The following ZBTB40 variants were observed in gnomAD, a reference collection of about 807,000 sequenced individuals.
ZBTB40 encodes zinc finger and BTB domain containing 40.
In ZBTB40, 60 loss-of-function variants were observed where a neutral mutation model predicts 117.5. The observed-to-expected ratio is 0.51, with a 90% CI of 0.41 to 0.63. ZBTB40 has a LOEUF of 0.63. Among genes scored for constraint, ZBTB40 ranks in the 30% least tolerant of loss-of-function variants. The pLI is 0.00. For missense variants in ZBTB40, 1,287 were observed against 1,498.5 expected, an observed-to-expected ratio of 0.86 and a Z score of 2.33; for synonymous variants, 525 against 577.1, an observed-to-expected ratio of 0.91 and a Z score of 1.29.
intron 1 of ZBTB40, among the ~76,000 whole-genome samples, chr1:22,465,719 C>G (rs1434530061): frequency 6.6e-6 from 1 of 151,408 alleles, no homozygotes; most frequent in Admixed American, 6.7e-5. Context: ...TTCCCAGACC[C>G]CCAAGAGTGC....
At chr1:22,443,262 G>T (rs1640753693) in intron 1 of ZBTB40, among the ~76,000 whole-genome samples, 1 of 152,112 alleles carries the variant, frequency 6.6e-6, no homozygotes, top group Non-Finnish European at 1.5e-5. Flanking sequence ...GTCTCAAAAG[G>T]TCCTCAGAAC....
Position 22,490,659 on chromosome 1 carries a change from T to C in ZBTB40, c.697+14T>C. On this transcript the variant is annotated intron_variant, in intron 2 of 17. Coordinates refer to ENST00000375647, the MANE Select transcript of ZBTB40 (RefSeq NM_014870.4). ...GCACAGAACCAGGTAACAGTCATTG[T>C]TTTATATTCCATCCTTCTGTTTTCA... The C allele has an allele frequency of 6.2e-7, 1 of 1,610,756 alleles. No individual in the cohort carries two copies. Among genetic ancestry groups the C allele is most frequent in the Non-Finnish European group, 8.5e-7 (1 of 1,178,604 alleles).
intron 3 of ZBTB40, among the ~76,000 whole-genome samples, chr1:22,493,793 T>TG (rs1491091228): frequency 1.5e-5 from 2 of 137,258 alleles, no homozygotes; most frequent in Non-Finnish European, 3.1e-5. Context: ...GATTCACCCA[T>TG]GTTTTTTTTT....
intron 17 of ZBTB40, among the ~76,000 whole-genome samples, chr1:22,525,261 T>TGG (rs1639645277): frequency 6.6e-6 from 1 of 152,122 alleles, no homozygotes; most frequent in South Asian, 2.1e-4. Context: ...GGGGAAAAGG[T>TGG]GGGGCTGGGG....
intron 14 of ZBTB40, 42 bp from the exon 15 acceptor site, chr1:22,521,454 C>A (rs919801626): frequency 1.2e-6 from 2 of 1,614,022 alleles, no homozygotes; most frequent in Admixed American, 1.7e-5. Flanking sequence ...CTCCAGCTTG[C>A]TGGAACTTTC....
At chr1:22,476,905 A>G (rs1641561067) in intron 1 of ZBTB40, among the ~76,000 whole-genome samples, 1 of 152,194 alleles carries the variant, frequency 6.6e-6, no homozygotes, top group Non-Finnish European at 1.5e-5. Context: ...AGATTCCAAC[A>G]TGCAGTGTTC....
At chr1:22,458,681 C>A (rs1641060564) in intron 1 of ZBTB40, among the ~76,000 whole-genome samples, 1 of 152,200 alleles carries the variant, frequency 6.6e-6, no homozygotes, top group Non-Finnish European at 1.5e-5. Flanking sequence ...TCACCAACTT[C>A]ATAAACAGGC....
At chr1:22,509,605 T>C (rs209728) in intron 9 of ZBTB40, among the ~76,000 whole-genome samples, 151,437 of 152,388 alleles carry the variant, frequency 0.99, 75,258 homozygotes, top group East Asian at 1. Context: ...ATCTCAGCTT[T>C]GCCAGAGTGC....
In ZBTB40 at chr1:22,526,321, C is replaced by T; in HGVS notation, c.3645C>T (p.Ser1215=). The T allele has an allele frequency of 6.2e-7, 1 of 1,614,206 alleles. No individual in the cohort carries two copies. Residue 1215 remains serine, a synonymous_variant, in exon 18 of 18, where the codon AGC becomes AGT. Transcript: ENST00000375647. Reference sequence around the variant, plus strand: ...CAGATTCTCAGGCATCTCAGGCCAGCTCTGAGCTCGTGGCGGTGACTGTGG... The same window carrying T: ...CAGATTCTCAGGCATCTCAGGCCAGTTCTGAGCTCGTGGCGGTGACTGTGG... ...TLPDSQASQA[S]SELVAVTVED...
At position 22,511,769 on chromosome 1, in the gene ZBTB40, C is replaced by A. The variant is rs1639243109; in HGVS notation, c.2096C>A (p.Ala699Asp). The A allele has an allele frequency of 1.2e-6, 2 of 1,609,530 alleles. No individual in the cohort carries two copies. Among genetic ancestry groups the A allele is most frequent in the African/African-American group, 2.7e-5 (2 of 74,392 alleles). ...AACAACAAAGAAGATGAAAAGGCAG[C>A]CAAAGAAGACAGCCAGCCTGGGGAA... ...EANNKEDEKA[A>D]KEDSQPGEQN... Residue 699 changes from alanine (A) to aspartate (D), a missense_variant, in exon 11 of 18, where the codon GCC becomes GAC. By Grantham distance (126) the Ala-to-Asp change is moderately radical. Around this residue, in one of 2 missense-constraint regions of ZBTB40, gnomAD observed 870 missense variants for 934.4 expected, o/e 0.93. Coordinates refer to ENST00000375647, the MANE Select transcript of ZBTB40 (RefSeq NM_014870.4).
At chr1:22,494,349 T>C (rs1376839494) in intron 3 of ZBTB40, among the ~76,000 whole-genome samples, 2 of 152,220 alleles carry the variant, frequency 1.3e-5, no homozygotes, top group African/African-American at 4.8e-5. Context: ...GAACAGTGTC[T>C]AGAGGAAGTA....
chr1:22,491,563 G>C, intron 3 of ZBTB40, 30 bp downstream of exon 3: 3 of 1,612,616 alleles, frequency 1.9e-6, no homozygotes. Context: ...GTACTTGTTT[G>C]CTAGTTTAGT....
chr1:22,487,378 C>T (rs1379926900), intron 1 of ZBTB40, among the ~76,000 whole-genome samples: 5 of 152,122 alleles, frequency 3.3e-5, no homozygotes, highest in Non-Finnish European at 7.4e-5. Flanking sequence ...CTTTTCTTAG[C>T]GTACTTTTTT....
At position 22,517,370 on chromosome 1, in the gene ZBTB40, G is replaced by T; in HGVS notation, c.2739G>T (p.Arg913Ser). ...CTATTGAGCTGTCCCGCCACGTGAG[G>T]ACCCACACCGGGGACAAGCCCTATG... ...AQSIELSRHV[R>S]THTGDKPYVC... The change falls in exon 13 of 18, where the codon AGG (arginine) becomes AGT (serine). Residue 913 changes from arginine to serine, a missense_variant. By Grantham distance (110) the Arg-to-Ser change is moderately radical. Around this residue, in one of 2 missense-constraint regions of ZBTB40, gnomAD observed 417 missense variants for 564.1 expected, o/e 0.74. Transcript: ENST00000375647. 1 of 1,614,204 alleles carries T rather than the reference G, an allele frequency of 6.2e-7. No individual in the cohort carries two copies. Among genetic ancestry groups the T allele is most frequent in the Non-Finnish European group, 8.5e-7 (1 of 1,180,040 alleles).
At chr1:22,444,218 G>T (rs145676128) in intron 1 of ZBTB40, among the ~76,000 whole-genome samples, 1 of 152,104 alleles carries the variant, frequency 6.6e-6, no homozygotes, top group African/African-American at 2.4e-5. Context: ...TTCGAGACCA[G>T]CCTGGCAAAC....
intron 7 of ZBTB40, among the ~76,000 whole-genome samples, 169 bp from the exon 8 acceptor site, chr1:22,508,361 A>C (rs540601417): frequency 3.9e-5 from 6 of 152,298 alleles, no homozygotes; most frequent in African/African-American, 1.4e-4. Context: ...AAAAGGAGAA[A>C]TGAAGAACTT....
At chr1:22,509,341 C>CTT in intron 9 of ZBTB40, 108 bp downstream of exon 9, 2 of 1,481,922 alleles carry the variant, frequency 1.3e-6, no homozygotes, top group Non-Finnish European at 1.9e-6. Flanking sequence ...GTTTTTCCTT[C>CTT]TTTTTTTTTC....
intron 1 of ZBTB40, among the ~76,000 whole-genome samples, chr1:22,473,300 C>T (rs560932848): frequency 6.6e-6 from 1 of 152,200 alleles, no homozygotes; most frequent in East Asian, 1.9e-4. Flanking sequence ...AGAAACTGTT[C>T]TAGTGGATAA....
At chr1:22,522,310 A>C (rs1639548005) in intron 15 of ZBTB40, 67 bp from the exon 16 acceptor site, 2 of 1,503,876 alleles carry the variant, frequency 1.3e-6, no homozygotes. Flanking sequence ...CAGCCCTGTT[A>C]CTCTTCAGCC....
Sources: allele counts gnomAD v4.1 joint callset (sites outside exome capture counted in the v4.1 genomes callset), GRCh38; gene constraint gnomAD v4.1.1; regional missense constraint gnomAD v4.1.1; transcripts MANE v1.5; gene names NCBI Gene and HGNC (gene_info 2026-07-23, HGNC 2026-07-21).